CRLF3: variants seen among roughly 807,000 people sequenced by gnomAD.
CRLF3 encodes the protein cytokine receptor like factor 3.
Under a neutral mutation model 55.0 loss-of-function variants are expected in CRLF3, and 33 were observed. The observed-to-expected ratio is 0.60, with a 90% confidence interval of 0.46 to 0.80. The LOEUF (loss-of-function observed/expected upper bound fraction) is 0.80, where lower values mean the gene tolerates loss of function less well. Among genes scored for constraint, CRLF3 ranks in the 30% least tolerant of loss-of-function variants. The pLI is 0.00. For synonymous variants in CRLF3, 238 were observed against 196.8 expected (o/e 1.21, Z -1.75); for missense variants, 494 against 538.4 (o/e 0.92, Z 0.82).
chr17:30,804,525 C>CT (rs1904330994), intron 1 of CRLF3, among the ~76,000 whole-genome samples: 1 of 152,226 alleles, frequency 6.6e-6, no homozygotes. Context: ...CACCATTCTA[C>CT]TTTCTGCTTC....
At chr17:30,815,248 G>A (rs1054209543) in intron 1 of CRLF3, among the ~76,000 whole-genome samples, 2 of 151,484 alleles carry the variant, frequency 1.3e-5, no homozygotes, top group East Asian at 2.0e-4. Context: ...ACCAAGCCTG[G>A]CTAATTTTTG....
At chr17:30,816,976 A>C (rs902939796) in intron 1 of CRLF3, among the ~76,000 whole-genome samples, 1 of 152,130 alleles carries the variant, frequency 6.6e-6, no homozygotes, top group African/African-American at 2.4e-5. Flanking sequence ...ATTTCTGAGA[A>C]TATATCCCTG....
chr17:30,790,958 A>C (rs1353023871), intron 6 of CRLF3: 1 of 141,074 alleles, frequency 7.1e-6, no homozygotes, highest in Admixed American at 7.0e-5. Context: ...TCGCTCAGTC[A>C]CCCAGGCTGG....
At position 30,783,019 on chromosome 17, in the gene CRLF3, G is replaced by T. The variant is rs774983506; in HGVS notation, c.*1168C>A. The T allele has an allele frequency of 9.9e-5, 15 of 151,986 alleles. No homozygotes were observed. Among genetic ancestry groups the T allele is most frequent in the Non-Finnish European group, 1.8e-4 (12 of 67,996 alleles). 9.4% of individuals were successfully genotyped at this position (151,986 alleles called of 1,614,324 possible). A position where few individuals can be genotyped will look rare whatever the true frequency, so the allele number is the denominator to read the frequency against. On this transcript the variant is annotated 3_prime_UTR_variant, in exon 8 of 8. Coordinates refer to ENST00000324238, the MANE Select transcript of CRLF3 (RefSeq NM_015986.4). ...ATATTTTACACACAAATTTAAGTAA[G>T]TTTTTAAAAAAAATAAGTATTTACG...
At chr17:30,784,742 T>C in intron 7 of CRLF3, 1 of 256,176 alleles carries the variant, frequency 3.9e-6, no homozygotes, top group Non-Finnish European at 7.5e-6. Flanking sequence ...TACCGAATTC[T>C]TGACTCACCA....
intron 1 of CRLF3, among the ~76,000 whole-genome samples, chr17:30,808,810 G>C (rs939701577): frequency 2.6e-5 from 4 of 151,214 alleles, no homozygotes; most frequent in African/African-American, 9.7e-5. Flanking sequence ...GGCCAGGCTG[G>C]TCGCGAACTC....
chr17:30,787,583 A>G (rs1419338833), intron 6 of CRLF3: 1 of 152,186 alleles, frequency 6.6e-6, no homozygotes, highest in Non-Finnish European at 1.5e-5. Flanking sequence ...CCAAAGACAG[A>G]TGTGATTATT....
At position 30,807,517 on chromosome 17, in the gene CRLF3, C is replaced by CTTTTTTTT. The variant is rs778842582; in HGVS notation, c.130-3417_130-3410dup. On this transcript the variant is annotated intron_variant, in intron 1 of 7. Transcript: ENST00000324238. ...CAGACCATAGAAACAATTTTCTTTCCTTTTTTTTTTTTTTTTTTTTTTTTT... is the reference window on the plus strand; with the variant it reads ...CAGACCATAGAAACAATTTTCTTTCCTTTTTTTTTTTTTTTTTTTTTTTTTTTTTTTTT... 7.9e-4 allele frequency among the ~76,000 whole-genome samples: 50 copies of CTTTTTTTT among 62,968 alleles called. 5 individuals are homozygous for CTTTTTTTT. Among genetic ancestry groups the CTTTTTTTT allele is most frequent in the African/African-American group, 1.7e-3 (24 of 14,508 alleles). 41.3% of individuals were successfully genotyped at this position (62,968 alleles called of 152,430 possible).
At chr17:30,811,752 C>T (rs1400916246) in intron 1 of CRLF3, among the ~76,000 whole-genome samples, 3 of 131,206 alleles carry the variant, frequency 2.3e-5, no homozygotes, top group Non-Finnish European at 3.1e-5. Flanking sequence ...TGCAGTGAGC[C>T]GAGGCCGTGC....
chr17:30,796,229 T>C lies in CRLF3; in HGVS notation c.534A>G (p.Ala178=). The C allele has an allele frequency of 6.2e-7, 1 of 1,614,100 alleles. No homozygotes were observed. The highest frequency in any genetic ancestry group is 8.5e-7 in the Non-Finnish European group (1 of 1,179,952). Residue 178 remains alanine, a synonymous_variant, in exon 4 of 8, where the codon GCA becomes GCG. Transcript: ENST00000324238. The part of the protein sequence containing the change: ...KDHIFKHGTV[A]SRPPVQIEEL... ...CTTCTATCTGTACTGGTGGGCGAGA[T>C]GCTACTGTTCCATGCTTAAAAATGT... is the stretch of plus-strand genomic sequence containing the variant.
chr17:30,803,588 G>A (rs775284587), intron 2 of CRLF3: 1 of 268,336 alleles, frequency 3.7e-6, no homozygotes, highest in East Asian at 9.4e-5. Flanking sequence ...TGTTGCAGGA[G>A]GGACCCGGTG....
intron 1 of CRLF3, among the ~76,000 whole-genome samples, chr17:30,814,121 G>A (rs766172837): frequency 6.6e-5 from 10 of 152,054 alleles, no homozygotes; most frequent in Non-Finnish European, 1.0e-4. Flanking sequence ...GCTGGCCTTG[G>A]TGGCGCATGC....
intron 2 of CRLF3, among the ~76,000 whole-genome samples, chr17:30,798,375 C>G (rs975692874): frequency 6.8e-6 from 1 of 147,712 alleles, no homozygotes; most frequent in African/African-American, 2.5e-5. Context: ...GAGACTCCGT[C>G]CCCCCCGCCA....
chr17:30,807,681 T>C (rs1336408994), intron 1 of CRLF3, among the ~76,000 whole-genome samples: 1 of 151,894 alleles, frequency 6.6e-6, no homozygotes, highest in African/African-American at 2.4e-5. Flanking sequence ...TACAGGCGCA[T>C]GCCACCACGC....
rs939085034 is a variant in CRLF3, at chr17:30,793,773, A to G, written c.604-101T>C. 2.0e-4 allele frequency: 142 copies of G among 701,446 alleles called. 1 individual carries two copies. The highest frequency in any genetic ancestry group is 5.9e-5 in the Non-Finnish European group (24 of 409,126). 43.5% of individuals were successfully genotyped at this position (701,446 alleles called of 1,614,324 possible). On this transcript the variant is annotated intron_variant, in intron 4 of 7. Transcript: ENST00000324238. ...CGGAGCCATTTTGGACCAAGCAGACAGGCCCACATGCTGAATATGGGGTAT... is the reference window on the plus strand; with the variant it reads ...CGGAGCCATTTTGGACCAAGCAGACGGGCCCACATGCTGAATATGGGGTAT...
At chr17:30,800,281 T>C (rs1055185212) in intron 2 of CRLF3, among the ~76,000 whole-genome samples, 7 of 152,198 alleles carry the variant, frequency 4.6e-5, no homozygotes, top group South Asian at 2.1e-4. Context: ...ATTGTACTTA[T>C]TCCAATAGAT....
At chr17:30,799,850 G>A (rs1597923015) in intron 2 of CRLF3, among the ~76,000 whole-genome samples, 1 of 152,100 alleles carries the variant, frequency 6.6e-6, no homozygotes, top group African/African-American at 2.4e-5. Context: ...TCCTCAGGGT[G>A]ATGAGTGTAC....
At chr17:30,790,580 A>AAAT (rs1355536191) in intron 6 of CRLF3, 1 of 150,180 alleles carries the variant, frequency 6.7e-6, no homozygotes, top group Non-Finnish European at 1.5e-5. Context: ...AGGACAAAAC[A>AAAT]AATTCTTGGC....
At chr17:30,809,667 T>C (rs1265718561) in intron 1 of CRLF3, 3 of 152,238 alleles carry the variant, frequency 2.0e-5, no homozygotes, top group Admixed American at 6.5e-5. Context: ...CACTTTTTTT[T>C]TGAGACAGGT....
Sources: allele counts gnomAD v4.1 joint callset (sites outside exome capture counted in the v4.1 genomes callset), GRCh38; gene constraint gnomAD v4.1.1; transcripts MANE v1.5; gene names NCBI Gene and HGNC (gene_info 2026-07-23, HGNC 2026-07-21).